PSMG4: variants seen among roughly 807,000 people sequenced by gnomAD.
PSMG4 encodes proteasome (prosome, macropain) assembly chaperone 4.
A neutral mutation model predicts 11.0 loss-of-function variants in PSMG4; 10 were observed. That is an observed-to-expected ratio of 0.91 (90% CI 0.56 to 1.54). PSMG4 has a LOEUF of 1.54. Among genes scored for constraint, PSMG4 ranks in the 40% most tolerant of loss-of-function variants. The pLI is 0.00. For synonymous variants in PSMG4, 95 were observed against 71.3 expected (o/e 1.33, Z -1.68); for missense variants, 198 against 160.9 (o/e 1.23, Z -1.25).
chr6:3,264,375 G>A (rs1271996550), intron 2 of PSMG4: 3 of 1,529,330 alleles, frequency 2.0e-6, no homozygotes, highest in Admixed American at 4.0e-5. Flanking sequence ...CCTGTGGCCA[G>A]TGTGCACAGG....
rs1479729388 is a variant in PSMG4, at chr6:3,267,720, G to A, written c.*8G>A. ...TTCCCCGAAAAGTTCTAGCTGAGTG[G>A]CAGAAGTGAGAATTTGTAAACTTAT... is the stretch of plus-strand genomic sequence containing the variant. On this transcript the variant is annotated 3_prime_UTR_variant, in exon 3 of 3. Coordinates refer to ENST00000438998, the MANE Select transcript of PSMG4 (RefSeq NM_001128591.2). 7 of 1,551,164 alleles carry A rather than the reference G, an allele frequency of 4.5e-6. No individual in the cohort carries two copies. Among genetic ancestry groups the A allele is most frequent in the Non-Finnish European group, 6.1e-6 (7 of 1,146,538 alleles).
At chr6:3,257,791 A>C (rs531231286), upstream of PSMG4, among the ~76,000 whole-genome samples, 46 of 152,302 alleles carry the variant, frequency 3.0e-4, no homozygotes, top group African/African-American at 7.7e-4. Flanking sequence ...GTGGATTGTG[A>C]TGATGATTTC....
upstream of PSMG4, among the ~76,000 whole-genome samples, chr6:3,256,539 C>T (rs1757773053): frequency 1.3e-5 from 2 of 152,364 alleles, no homozygotes; most frequent in South Asian, 2.1e-4. Context: ...ATTGTTACGG[C>T]ACATGGTGGT....
intron 2 of PSMG4, chr6:3,264,382 C>G (rs1421343411): frequency 3.3e-6 from 5 of 1,522,732 alleles, no homozygotes; most frequent in East Asian, 2.5e-5. Flanking sequence ...CCAGTGTGCA[C>G]AGGATGCCTG....
intron 1 of PSMG4, among the ~76,000 whole-genome samples, chr6:3,263,350 C>T (rs933161158): frequency 6.6e-6 from 1 of 152,238 alleles, no homozygotes; most frequent in Non-Finnish European, 1.5e-5. Flanking sequence ...CCTTAATGAT[C>T]TTGTTTGCTT....
upstream of PSMG4, chr6:3,255,376 T>C (rs917285651): frequency 2.8e-6 from 4 of 1,418,228 alleles, no homozygotes; most frequent in African/African-American, 2.9e-5. Context: ...TGGTGGATGA[T>C]GTTTGTTGAG....
chr6:3,256,101 C>G (rs1336184138), upstream of PSMG4, among the ~76,000 whole-genome samples: 1 of 152,146 alleles, frequency 6.6e-6, no homozygotes, highest in Non-Finnish European at 1.5e-5. Flanking sequence ...TCCTTTGGCT[C>G]CTGAAGGGTG....
chr6:3,256,469 A>G (rs1356029139), upstream of PSMG4, among the ~76,000 whole-genome samples: 1 of 152,142 alleles, frequency 6.6e-6, no homozygotes, highest in East Asian at 1.9e-4. Flanking sequence ...CAAATGTTGC[A>G]TCTTCCTCCT....
upstream of PSMG4, among the ~76,000 whole-genome samples, chr6:3,257,743 T>C (rs9328153): frequency 0.032 from 4,816 of 152,082 alleles, 259 homozygotes; most frequent in African/African-American, 0.11. Flanking sequence ...CAGGAGTCAT[T>C]ACTGAGGGCA....
chr6:3,254,932 T>A (rs751946777), upstream of PSMG4: 10 of 1,162,792 alleles, frequency 8.6e-6, no homozygotes, highest in Admixed American at 2.7e-5. Flanking sequence ...AGCCATTCTC[T>A]CACTGGGTGT....
rs572366445 is a variant in PSMG4, at chr6:3,268,022, A to G, written c.*310A>G. 2 of 225,036 alleles carry G rather than the reference A, an allele frequency of 8.9e-6. No homozygotes were observed. The highest frequency in any genetic ancestry group is 9.7e-5 in the East Asian group (1 of 10,258). 13.9% of individuals were successfully genotyped at this position (225,036 alleles called of 1,614,324 possible). Reference sequence around the variant, plus strand: ...GACATGACTGTGACGTGCATCCTCAATTAGAATTAAAGTGATGTATAAATA... The same window carrying G: ...GACATGACTGTGACGTGCATCCTCAGTTAGAATTAAAGTGATGTATAAATA... On this transcript the variant is annotated 3_prime_UTR_variant, in exon 3 of 3. Transcript: ENST00000438998.
At chr6:3,260,291 A>ATATATATATATATATTTTTTTTTTTTTT in intron 1 of PSMG4, among the ~76,000 whole-genome samples, 2 of 70,862 alleles carry the variant, frequency 2.8e-5, no homozygotes, top group East Asian at 4.6e-4. Context: ...ATATATATAT[A>ATATATATATATATATTTTTTTTTTTTTT]TTTTTTTTTT....
upstream of PSMG4, among the ~76,000 whole-genome samples, chr6:3,256,355 G>A (rs1254149361): frequency 6.6e-6 from 1 of 152,188 alleles, no homozygotes; most frequent in Non-Finnish European, 1.5e-5. Flanking sequence ...GACCTTTGGC[G>A]AGGACTCCCT....
chr6:3,262,721 T>TA, intron 1 of PSMG4, among the ~76,000 whole-genome samples: 1 of 152,082 alleles, frequency 6.6e-6, no homozygotes, highest in East Asian at 1.9e-4. Flanking sequence ...CTCAGACCTC[T>TA]GTAGCCAGGC....
rs750998014 is a variant in PSMG4, at chr6:3,259,231, GGCGGGGGC to G, written c.174+46_174+53del. ...TGGCGGCCGAGGGTGCGGGCGGCGGGGCGGGGGCGCGGGGGCGCCGGGCCTGCGCGAGC... is the reference window on the plus strand; with the variant it reads ...TGGCGGCCGAGGGTGCGGGCGGCGGGGCGGGGGCGCCGGGCCTGCGCGAGC... On this transcript the variant is annotated intron_variant, in intron 1 of 2. Transcript: ENST00000438998. 3.1e-4 allele frequency: 388 copies of G among 1,256,500 alleles called. 5 individuals are homozygous for G. Among genetic ancestry groups the G allele is most frequent in the African/African-American group, 3.0e-3 (194 of 64,284 alleles). 77.8% of individuals were successfully genotyped at this position (1,256,500 alleles called of 1,614,324 possible).
At chr6:3,255,166 G>C (rs768037217), upstream of PSMG4, 8 of 1,550,868 alleles carry the variant, frequency 5.2e-6, no homozygotes, top group East Asian at 2.4e-5. Flanking sequence ...CCATACTGAC[G>C]GCTTACATGT....
At chr6:3,262,173 C>G (rs992643482) in intron 1 of PSMG4, among the ~76,000 whole-genome samples, 1 of 152,184 alleles carries the variant, frequency 6.6e-6, no homozygotes, top group Non-Finnish European at 1.5e-5. Flanking sequence ...TTGGACCCCC[C>G]GCCCGGCCTC....
upstream of PSMG4, chr6:3,255,103 A>G (rs1367453602): frequency 1.9e-6 from 3 of 1,551,056 alleles, no homozygotes; most frequent in African/African-American, 1.4e-5. Flanking sequence ...GCTGCATAGG[A>G]GCACAACATC....
In PSMG4 at chr6:3,259,216, G is replaced by A. The variant is rs951435378; in HGVS notation, c.174+20G>A. On this transcript the variant is annotated intron_variant, in intron 1 of 2. Transcript: ENST00000438998. The stretch of plus-strand genomic sequence containing the variant: ...CGCTACGTGAGTGCCTGGCGGCCGA[G>A]GGTGCGGGCGGCGGGGCGGGGGCGC... 5 of 1,273,802 alleles carry A rather than the reference G, an allele frequency of 3.9e-6. No homozygotes were observed. The African/African-American group carries it at 6.2e-5, about 16-fold the overall frequency. 78.9% of individuals were successfully genotyped at this position (1,273,802 alleles called of 1,614,324 possible). A position where few individuals can be genotyped will look rare whatever the true frequency, so the allele number is the denominator to read the frequency against.
Sources: gnomAD v4.1 joint callset for allele counts (sites outside exome capture counted in the v4.1 genomes callset) on GRCh38, gnomAD v4.1.1 for gene constraint, MANE v1.5 for transcripts, NCBI Gene and HGNC (gene_info 2026-07-23, HGNC 2026-07-21) for gene names.